The following WDR12 variants were observed in gnomAD, a reference collection of about 807,000 sequenced individuals.
WDR12 encodes the protein ribosome biogenesis protein WDR12.
A neutral mutation model predicts 64.3 loss-of-function variants in WDR12; 42 were observed. The ratio of observed to expected loss-of-function variants is 0.65; its 90% confidence interval spans 0.51 to 0.84. WDR12 has a LOEUF of 0.84. Among genes scored for constraint, WDR12 ranks in the 40% least tolerant of loss-of-function variants. The pLI, the probability that WDR12 is intolerant of heterozygous loss-of-function variation, is 0.00. For synonymous variants in WDR12, 158 were observed against 173.3 expected (o/e 0.91, Z 0.70); for missense variants, 469 against 494.6 (o/e 0.95, Z 0.49).
At chr2:202,897,908 A>AAAAAAAAAATATATAT (rs1466552102) in intron 4 of WDR12, among the ~76,000 whole-genome samples, 1 of 40,052 alleles carries the variant, frequency 2.5e-5, no homozygotes, top group Non-Finnish European at 5.0e-5. Context: ...AAAAAAAAAA[A>AAAAAAAAAATATATAT]ATATATATAT....
rs1687906096 is a variant in WDR12 at position 202,878,968 on chromosome 2, AAAAT to A, written c.*1888_*1891del. 1 of 152,108 alleles carries A rather than the reference AAAAT, an allele frequency of 6.6e-6. No homozygotes were observed. Among genetic ancestry groups the A allele is most frequent in the African/African-American group, 2.4e-5 (1 of 41,388 alleles). 9.4% of individuals were successfully genotyped at this position (152,108 alleles called of 1,614,324 possible). On this transcript the variant is annotated 3_prime_UTR_variant, in exon 13 of 13. Transcript: ENST00000261015. ...AATACTGATGAAAGGTTTTGTCTAA[AAAAT>A]TTATTCTAATCTACACATGAGGAAA...
intron 5 of WDR12, among the ~76,000 whole-genome samples, chr2:202,896,719 T>G (rs1383681198): frequency 6.6e-6 from 1 of 151,824 alleles, no homozygotes; most frequent in Non-Finnish European, 1.5e-5. Context: ...CTGGGTGCAG[T>G]GGCTCACGCC....
chr2:202,880,834 C>A lies in WDR12; in HGVS notation c.*26G>T. On this transcript the variant is annotated 3_prime_UTR_variant, in exon 13 of 13. Coordinates refer to ENST00000261015, the MANE Select transcript of WDR12 (RefSeq NM_018256.4). ...TACCAATTTCATTTACAGAAATAAT[C>A]TCTATAGTCAAATTATTGTTCACTT... The A allele has an allele frequency of 6.3e-7, 1 of 1,586,354 alleles. No homozygotes were observed. Among genetic ancestry groups the A allele is most frequent in the South Asian group, 1.2e-5 (1 of 86,778 alleles).
At chr2:202,881,082 G>A in intron 12 of WDR12, 145 bp from the exon 13 acceptor site, 1 of 562,864 alleles carries the variant, frequency 1.8e-6, no homozygotes, top group Non-Finnish European at 3.0e-6. Flanking sequence ...GTGAGTAAAG[G>A]GACCAACGTT....
intron 2 of WDR12, among the ~76,000 whole-genome samples, chr2:202,903,836 C>T (rs527346989): frequency 2.0e-5 from 3 of 151,990 alleles, no homozygotes; most frequent in East Asian, 1.9e-4. Context: ...TATAAAACAT[C>T]GATGAAAGAC....
chr2:202,910,273 A>G (rs1688545170), intron 1 of WDR12, among the ~76,000 whole-genome samples: 1 of 152,194 alleles, frequency 6.6e-6, no homozygotes, highest in South Asian at 2.1e-4. Flanking sequence ...CTGTAATTCC[A>G]GGACTTTGGG....
intron 8 of WDR12, among the ~76,000 whole-genome samples, chr2:202,886,815 A>G (rs1317524800): frequency 6.6e-6 from 1 of 151,292 alleles, no homozygotes; most frequent in East Asian, 1.9e-4. Flanking sequence ...AATAGGGGAT[A>G]GTCAATCTAC....
intron 8 of WDR12, among the ~76,000 whole-genome samples, chr2:202,891,540 A>G (rs1688156979): frequency 6.6e-6 from 1 of 152,220 alleles, no homozygotes; most frequent in African/African-American, 2.4e-5. Context: ...CTATGTTTAA[A>G]TGTATTAAGA....
intron 7 of WDR12, 122 bp from the exon 8 acceptor site, chr2:202,892,824 ATT>A (rs1170605270): frequency 2.0e-6 from 1 of 495,738 alleles, no homozygotes; most frequent in East Asian, 3.5e-5. Flanking sequence ...GGGAATGAAT[ATT>A]CCTCATCATT....
chr2:202,890,604 C>CA (rs1015367356), intron 8 of WDR12, among the ~76,000 whole-genome samples: 4 of 151,022 alleles, frequency 2.6e-5, no homozygotes, highest in South Asian at 2.1e-4. Flanking sequence ...CCCGTCTCTA[C>CA]AAAAAAAATA....
At position 202,880,069 on chromosome 2, in the gene WDR12, C is replaced by CTTTT. The variant is rs1687923621; in HGVS notation, c.*790_*791insAAAA. Reference sequence around the variant, plus strand: ...CATTTTTTTTAATGTTCTGAGTACCCTCACAGCCTAATTTTCTTGAACATT... The same window carrying CTTTT: ...CATTTTTTTTAATGTTCTGAGTACCCTTTTTCACAGCCTAATTTTCTTGAACATT... On this transcript the variant is annotated 3_prime_UTR_variant, in exon 13 of 13. Coordinates refer to ENST00000261015, the MANE Select transcript of WDR12 (RefSeq NM_018256.4). The CTTTT allele has an allele frequency of 6.6e-6, 1 of 152,058 alleles. No individual in the cohort carries two copies. The highest frequency in any genetic ancestry group is 2.4e-5 in the African/African-American group (1 of 41,398). The allele number at this position is 152,058 out of a possible 1,614,324, so 9.4% of individuals were successfully genotyped here.
At chr2:202,895,509 A>ATTTC (rs1182195055) in intron 6 of WDR12, among the ~76,000 whole-genome samples, 1 of 139,240 alleles carries the variant, frequency 7.2e-6, no homozygotes, top group African/African-American at 2.7e-5. Flanking sequence ...TGTTTACTTC[A>ATTTC]TTTCTTTCTT....
chr2:202,896,440 T>G (rs1215231913), intron 5 of WDR12, among the ~76,000 whole-genome samples: 1 of 150,488 alleles, frequency 6.6e-6, no homozygotes, highest in African/African-American at 2.5e-5. Flanking sequence ...CTGTAAATAC[T>G]GACATTTTGG....
intron 2 of WDR12, among the ~76,000 whole-genome samples, chr2:202,901,811 C>A (rs1688353686): frequency 1.3e-5 from 2 of 152,092 alleles, no homozygotes; most frequent in Non-Finnish European, 2.9e-5. Context: ...ATAAACTAGT[C>A]AGAGGTAAAT....
chr2:202,902,114 C>T (rs1203088147), intron 2 of WDR12, among the ~76,000 whole-genome samples: 1 of 152,130 alleles, frequency 6.6e-6, no homozygotes, highest in Non-Finnish European at 1.5e-5. Flanking sequence ...ACAGTCTATA[C>T]AGAAGGAATA....
intron 2 of WDR12, among the ~76,000 whole-genome samples, chr2:202,907,385 T>C (rs1688476949): frequency 6.6e-6 from 1 of 152,214 alleles, no homozygotes; most frequent in Non-Finnish European, 1.5e-5. Context: ...TTTTGTTATA[T>C]CCTTTTTTTA....
intron 2 of WDR12, among the ~76,000 whole-genome samples, chr2:202,901,540 A>T (rs972119306): frequency 3.3e-5 from 5 of 152,208 alleles, no homozygotes; most frequent in Non-Finnish European, 7.4e-5. Context: ...ATTTGTCACA[A>T]TATTTTAAAA....
chr2:202,896,815 C>A (rs942892207), intron 5 of WDR12, among the ~76,000 whole-genome samples: 1 of 151,920 alleles, frequency 6.6e-6, no homozygotes, highest in East Asian at 1.9e-4. Flanking sequence ...GGTGAAACCC[C>A]GTCTCTACTA....
intron 1 of WDR12, 78 bp downstream of exon 1, chr2:202,911,358 G>A (rs1042415645): frequency 1.8e-5 from 26 of 1,412,922 alleles, no homozygotes; most frequent in Non-Finnish European, 2.6e-5. Context: ...GAAACAACCA[G>A]GGATCCACAA....
Sources: allele counts gnomAD v4.1 joint callset (sites outside exome capture counted in the v4.1 genomes callset), GRCh38; gene constraint gnomAD v4.1.1; transcripts MANE v1.5; gene names NCBI Gene and HGNC (gene_info 2026-07-23, HGNC 2026-07-21).